The following MKRN2 variants were observed in gnomAD, a reference collection of about 807,000 sequenced individuals.
MKRN2 encodes makorin ring finger protein 2, also known as E3 ubiquitin-protein ligase makorin-2.
Under a neutral mutation model 45.4 loss-of-function variants are expected in MKRN2, and 32 were observed. The ratio of observed to expected loss-of-function variants is 0.70; its 90% CI spans 0.53 to 0.95. MKRN2 has a LOEUF of 0.95. MKRN2 is among the 40% of genes least tolerant of loss of function. MKRN2 has a pLI of 0.00. For missense variants in MKRN2, 526 were observed against 536.7 expected, an observed-to-expected ratio of 0.98 and a Z score of 0.20; for synonymous variants, 206 against 192.4, an observed-to-expected ratio of 1.07 and a Z score of -0.59.
chr3:12,565,788 C>T (rs566132311), intron 1 of MKRN2, among the ~76,000 whole-genome samples: 3 of 152,270 alleles, frequency 2.0e-5, no homozygotes, highest in East Asian at 1.9e-4. Context: ...AATCCACTCA[C>T]CTTGGCCTCC....
rs1206095150 is a variant in MKRN2, at chr3:12,583,628, A to AAAAT, written c.*1378_*1381dup. The AAAAT allele has an allele frequency of 6.5e-5, 15 of 232,400 alleles. No individual in the cohort carries two copies. The Admixed American group carries it at 8.4e-4, about 13-fold the overall frequency. 14.4% of individuals were successfully genotyped at this position (232,400 alleles called of 1,614,324 possible). On this transcript the variant is annotated 3_prime_UTR_variant, in exon 8 of 8. Transcript: ENST00000170447. ...ACACCTAAATTTAATTTATTTTATT[A>AAAAT]AAATAACATAATTGAGGGACCATCA...
At chr3:12,573,892 CAA>C (rs111511375) in intron 4 of MKRN2, among the ~76,000 whole-genome samples, 4 of 122,152 alleles carry the variant, frequency 3.3e-5, no homozygotes, top group Non-Finnish European at 1.8e-5. Flanking sequence ...GACTCTGTCT[CAA>C]AAAAAAAAAA....
chr3:12,557,300 C>T, intron 1 of MKRN2, 124 bp downstream of exon 1: 2 of 1,288,368 alleles, frequency 1.6e-6, no homozygotes, highest in East Asian at 3.1e-5. Context: ...CTCGGCTGTT[C>T]GCGGCGGGGC....
intron 6 of MKRN2, among the ~76,000 whole-genome samples, chr3:12,578,106 GA>G (rs1209131027): frequency 6.6e-6 from 1 of 152,172 alleles, no homozygotes; most frequent in African/African-American, 2.4e-5. Context: ...GAGTTAGTCA[GA>G]TTTGGGCAGA....
intron 6 of MKRN2, among the ~76,000 whole-genome samples, chr3:12,578,336 T>TTTTC: frequency 7.3e-6 from 1 of 137,804 alleles, no homozygotes; most frequent in South Asian, 2.2e-4. Context: ...TTTTTTTTTT[T>TTTTC]TGGAGATGGA....
chr3:12,571,312 T>A (rs2058097736), intron 3 of MKRN2, among the ~76,000 whole-genome samples: 1 of 152,164 alleles, frequency 6.6e-6, no homozygotes, highest in Admixed American at 6.5e-5. Context: ...TGTTTCACTA[T>A]GTTGGCCAGG....
chr3:12,581,660 C>A, intron 6 of MKRN2, 148 bp from the exon 7 acceptor site: 1 of 821,518 alleles, frequency 1.2e-6, no homozygotes, highest in Non-Finnish European at 1.9e-6. Context: ...ACAAATCACT[C>A]AACCTCTCCC....
rs1460736802 is a variant in MKRN2, at chr3:12,583,353, A to G, written c.*1100A>G. On this transcript the variant is annotated 3_prime_UTR_variant, in exon 8 of 8. Coordinates refer to ENST00000170447, the MANE Select transcript of MKRN2 (RefSeq NM_014160.5). ...AAAAAGCTGTACCTACCAAATAAAT[A>G]AATAGTTTATAAAATGTATTACTTA... The G allele has an allele frequency of 1.8e-5, 3 of 162,390 alleles. No individual in the cohort carries two copies. The highest frequency in any genetic ancestry group is 6.4e-5 in the Admixed American group (1 of 15,558). 10.1% of individuals were successfully genotyped at this position (162,390 alleles called of 1,614,324 possible).
intron 6 of MKRN2, among the ~76,000 whole-genome samples, chr3:12,579,744 G>A (rs2125308456): frequency 1.3e-5 from 2 of 152,310 alleles, no homozygotes; most frequent in Admixed American, 1.3e-4. Context: ...GTAGAAGGAT[G>A]TGGTGGGACC....
Position 12,568,859 on chromosome 3 carries a change from G to T in MKRN2, c.27-16G>T. ...ATGTGCTTCTAAAAGTTGTATGCCTGTGCTTGTCTCTGCAGGTATTTTATG... is the reference window on the plus strand; with the variant it reads ...ATGTGCTTCTAAAAGTTGTATGCCTTTGCTTGTCTCTGCAGGTATTTTATG... On this transcript the variant is annotated splice_polypyrimidine_tract_variant and intron_variant, in intron 1 of 7. Transcript: ENST00000170447. 6.2e-7 allele frequency: 1 copy of T among 1,609,702 alleles called. No homozygotes were observed. Among genetic ancestry groups the T allele is most frequent in the South Asian group, 1.1e-5 (1 of 89,956 alleles).
At chr3:12,568,032 C>T (rs1177121045) in intron 1 of MKRN2, among the ~76,000 whole-genome samples, 1 of 152,174 alleles carries the variant, frequency 6.6e-6, no homozygotes, top group African/African-American at 2.4e-5. Flanking sequence ...ACTACAAGTA[C>T]CCATACAACC....
intron 1 of MKRN2, among the ~76,000 whole-genome samples, chr3:12,563,557 T>C (rs1229545077): frequency 6.9e-6 from 1 of 145,428 alleles, no homozygotes; most frequent in South Asian, 2.2e-4. Context: ...TGGCACGATC[T>C]CGGCTCACTG....
intron 6 of MKRN2, among the ~76,000 whole-genome samples, chr3:12,579,394 T>C (rs1198446749): frequency 2.0e-5 from 3 of 152,174 alleles, no homozygotes; most frequent in Non-Finnish European, 2.9e-5. Flanking sequence ...CTTGAACTCC[T>C]GGCCTCAGAT....
intron 5 of MKRN2, 95 bp downstream of exon 5, chr3:12,575,101 G>A: frequency 1.7e-6 from 2 of 1,190,010 alleles, no homozygotes; most frequent in Non-Finnish European, 2.4e-6. Flanking sequence ...TTACCCTCAA[G>A]AGTAACTGGT....
At chr3:12,569,088 AG>A in intron 2 of MKRN2, 85 bp downstream of exon 2, 1 of 1,459,220 alleles carries the variant, frequency 6.9e-7, no homozygotes, top group East Asian at 2.4e-5. Context: ...TTAATGTAAA[AG>A]TAATATGGCA....
chr3:12,576,231 A>C (rs868181951), intron 5 of MKRN2, among the ~76,000 whole-genome samples: 1 of 100,862 alleles, frequency 9.9e-6, no homozygotes, highest in African/African-American at 3.9e-5. Flanking sequence ...GTGTGTGTGT[A>C]TTTTTTTTGC....
At chr3:12,570,500 A>G (rs1247651538) in intron 3 of MKRN2, among the ~76,000 whole-genome samples, 2 of 152,168 alleles carry the variant, frequency 1.3e-5, no homozygotes, top group Non-Finnish European at 1.5e-5. Context: ...ACATAAAAAC[A>G]CAATCTTTTT....
At chr3:12,562,228 G>A (rs913092980) in intron 1 of MKRN2, among the ~76,000 whole-genome samples, 1 of 152,162 alleles carries the variant, frequency 6.6e-6, no homozygotes, top group Non-Finnish European at 1.5e-5. Context: ...AGGCAAGCAG[G>A]TTTTCAGCAT....
chr3:12,558,533 A>G (rs1393103493), intron 1 of MKRN2, among the ~76,000 whole-genome samples: 1 of 151,978 alleles, frequency 6.6e-6, no homozygotes, highest in Non-Finnish European at 1.5e-5. Flanking sequence ...ACAAAACAGT[A>G]CACATTTATG....
Sources: gnomAD v4.1 joint callset for allele counts (sites outside exome capture counted in the v4.1 genomes callset) on GRCh38, gnomAD v4.1.1 for gene constraint, MANE v1.5 for transcripts, NCBI Gene and HGNC (gene_info 2026-07-23, HGNC 2026-07-21) for gene names.